BEST1: variants seen among roughly 807,000 people sequenced by gnomAD.
BEST1 encodes bestrophin-1.
A neutral mutation model predicts 63.3 loss-of-function variants in BEST1; 58 were observed. The ratio of observed to expected loss-of-function variants is 0.92; its 90% CI spans 0.74 to 1.14. The LOEUF is 1.14. Among genes scored for constraint, BEST1 ranks in the 50% most tolerant of loss-of-function variants. BEST1 has a pLI of 0.00. For synonymous variants in BEST1, 283 were observed against 291.6 expected, an observed-to-expected ratio of 0.97 and a Z score of 0.30; for missense variants, 671 against 740.1, an observed-to-expected ratio of 0.91 and a Z score of 1.08.
chr11:61,953,886 A>AAAACAAACAAAC (rs112657532), intron 2 of BEST1, among the ~76,000 whole-genome samples: 2,586 of 150,714 alleles, frequency 0.017, 88 homozygotes, highest in African/African-American at 0.061. Flanking sequence ...ACCCTATCTC[A>AAAACAAACAAAC]AAACAAACAA....
rs1359953648 is a variant in BEST1, at chr11:61,950,443, C to A, written c.-37+16C>A. ...AACCCCACCTGTGAGTACAAGGTGC[C>A]CCAGGTGGACTGGGCTGGGGCTTTG... is the stretch of plus-strand genomic sequence containing the variant. On this transcript the variant is annotated intron_variant, in intron 1 of 10. Transcript: ENST00000378043. The A allele has an allele frequency of 6.5e-6, 1 of 152,734 alleles. No individual in the cohort carries two copies. 9.5% of individuals were successfully genotyped at this position (152,734 alleles called of 1,614,324 possible). A position where few individuals can be genotyped will look rare whatever the true frequency, so the allele number is the denominator to read the frequency against.
At chr11:61,951,648 A>T in intron 1 of BEST1, 123 bp from the exon 2 acceptor site, 1 of 962,972 alleles carries the variant, frequency 1.0e-6, no homozygotes, top group Non-Finnish European at 1.6e-6. Flanking sequence ...CTTGGAGACC[A>T]CTTCATCCAC....
At chr11:61,953,185 C>CA (rs1376259206) in intron 2 of BEST1, among the ~76,000 whole-genome samples, 1 of 152,144 alleles carries the variant, frequency 6.6e-6, no homozygotes, top group Non-Finnish European at 1.5e-5. Context: ...TTAATGATTA[C>CA]ATGGATTGTA....
chr11:61,956,001 A>C, intron 4 of BEST1, 50 bp downstream of exon 4: 1 of 1,505,756 alleles, frequency 6.6e-7, no homozygotes, highest in Non-Finnish European at 9.0e-7. Flanking sequence ...CCAGGGGCCG[A>C]GATGGGCGCG....
chr11:61,964,769 G>A (rs1064813), downstream of BEST1: 8 of 1,599,704 alleles, frequency 5.0e-6, no homozygotes, highest in Non-Finnish European at 6.8e-6. Flanking sequence ...GCTTGTCAAA[G>A]AGATATTCCG....
At position 61,958,288 on chromosome 11, in the gene BEST1, G is replaced by T. The variant is rs370276003; in HGVS notation, c.857G>T (p.Gly286Val). 1.2e-6 allele frequency: 2 copies of T among 1,614,104 alleles called. No individual in the cohort carries two copies. The highest frequency in any genetic ancestry group is 1.7e-6 in the Non-Finnish European group (2 of 1,180,056). The change falls in exon 7 of 11, where the codon GGC becomes GTC. Residue 286 changes from glycine (G) to valine (V), a missense_variant. By Grantham distance (109) the Gly-to-Val change is moderately radical (BLOSUM62 -3). Transcript: ENST00000378043. ...FTFLQFFFYV[G>V]WLKVAEQLIN... The stretch of plus-strand genomic sequence containing the variant: ...TTCCTGCAGTTCTTCTTCTATGTTG[G>T]CTGGCTGAAGGTGGGCCTCTCCAGG...
intron 6 of BEST1, 150 bp from the exon 7 acceptor site, chr11:61,957,996 A>ACAAG: frequency 7.5e-7 from 1 of 1,326,544 alleles, no homozygotes; most frequent in Non-Finnish European, 1.1e-6. Context: ...AAACAAACAA[A>ACAAG]CAAAGGGGTT....
At chr11:61,957,086 G>A in intron 5 of BEST1, 88 bp downstream of exon 5, 1 of 1,583,164 alleles carries the variant, frequency 6.3e-7, no homozygotes, top group African/African-American at 1.3e-5. Context: ...AGAAGCCTTG[G>A]GCCCCTGAGG....
intron 8 of BEST1, 127 bp downstream of exon 8, chr11:61,959,705 CCAGT>C: frequency 8.5e-6 from 11 of 1,298,854 alleles, no homozygotes; most frequent in Non-Finnish European, 1.2e-5. Flanking sequence ...CCTCCTGCAG[CCAGT>C]CATTCACTCA....
chr11:61,964,310 T>C lies in BEST1; in HGVS notation c.*188T>C, dbSNP rs1565047792. 7.0e-6 allele frequency: 8 copies of C among 1,147,602 alleles called. No homozygotes were observed. The highest frequency in any genetic ancestry group is 1.2e-6 in the Non-Finnish European group (1 of 826,364). 71.1% of individuals were successfully genotyped at this position (1,147,602 alleles called of 1,614,324 possible). On this transcript the variant is annotated 3_prime_UTR_variant, in exon 11 of 11. Coordinates refer to ENST00000378043, the MANE Select transcript of BEST1 (RefSeq NM_004183.4). ...TTCAGCCTTTAATGCCTTTTATTCA[T>C]AAAAACTGTGAAAGCTAGACTGAAC... is the stretch of plus-strand genomic sequence containing the variant.
chr11:61,962,960 G>C, intron 10 of BEST1, 67 bp downstream of exon 10: 1 of 1,613,246 alleles, frequency 6.2e-7, no homozygotes, highest in South Asian at 1.1e-5. Context: ...CCCTTGCTCT[G>C]AGCCTACCCT....
downstream of BEST1, chr11:61,965,206 T>C: frequency 1.3e-6 from 2 of 1,594,316 alleles, no homozygotes; most frequent in Non-Finnish European, 1.7e-6. Context: ...AAAGGGACAT[T>C]ACTATTTGCC....
At chr11:61,958,387 A>T in intron 7 of BEST1, 89 bp downstream of exon 7, 1 of 1,602,768 alleles carries the variant, frequency 6.2e-7, no homozygotes, top group Non-Finnish European at 8.5e-7. Context: ...CAGTGTCAGG[A>T]AAGGAAGGTC....
rs1000977222 is a variant in BEST1, at chr11:61,955,041, C to A, written c.153-66C>A. On this transcript the variant is annotated intron_variant, in intron 2 of 10. Transcript: ENST00000378043. ...CACTCCTACCCAGGGCCGGGCTAGA[C>A]CTGGGGACAGTCTCAGCCATCTCCT... 5 of 1,604,416 alleles carry A rather than the reference C, an allele frequency of 3.1e-6. No individual in the cohort carries two copies. In the African/African-American group the frequency reaches 6.7e-5, roughly 21 times the overall value.
intron 1 of BEST1, 115 bp from the exon 2 acceptor site, chr11:61,951,656 C>A (rs1217662712): frequency 2.8e-6 from 3 of 1,064,358 alleles, no homozygotes; most frequent in Non-Finnish European, 2.7e-6. Flanking sequence ...CCACTTCATC[C>A]ACCTCCTAGG....
At chr11:61,960,076 C>G in intron 9 of BEST1, 33 bp downstream of exon 9, 1 of 1,599,032 alleles carries the variant, frequency 6.3e-7, no homozygotes, top group Non-Finnish European at 8.5e-7. Context: ...GGGTGGGAAG[C>G]CCCTCCTAGT....
At chr11:61,963,630 A>C in intron 10 of BEST1, 1 of 1,038,188 alleles carries the variant, frequency 9.6e-7, no homozygotes. Context: ...CGGTCAGAAC[A>C]CGCAGCTATT....
Position 61,962,542 on chromosome 11 carries a change from GCTA to G in BEST1, c.1393_1395del (p.Tyr465del). Reference sequence around the variant, plus strand: ...TCTGCCCCACTGTATCAGAGGCCAGGCTACTACAGTGCCCCACAGACGCCCCTC... The same window carrying G: ...TCTGCCCCACTGTATCAGAGGCCAGGCTACAGTGCCCCACAGACGCCCCTC... On this transcript the variant is annotated inframe_deletion, in exon 10 of 11. Transcript: ENST00000378043. 6.2e-7 allele frequency: 1 copy of G among 1,614,128 alleles called. No homozygotes were observed.
At chr11:61,956,054 G>A (rs1211954901) in intron 4 of BEST1, 103 bp downstream of exon 4, 1 of 1,201,532 alleles carries the variant, frequency 8.3e-7, no homozygotes, top group Non-Finnish European at 1.2e-6. Flanking sequence ...CCCGGACTCG[G>A]GGGATTGGGT....
Sources: gnomAD v4.1 joint callset for allele counts (sites outside exome capture counted in the v4.1 genomes callset) on GRCh38, gnomAD v4.1.1 for gene constraint, MANE v1.5 for transcripts, NCBI Gene and HGNC (gene_info 2026-07-23, HGNC 2026-07-21) for gene names.